The following HEXB variants were observed in gnomAD, a reference collection of about 807,000 sequenced individuals.
HEXB encodes hexosaminidase subunit beta.
HEXB carries 51 observed loss-of-function variants against 71.2 expected under a neutral mutation model. The observed-to-expected ratio is 0.72, with a 90% confidence interval of 0.57 to 0.90. HEXB has a LOEUF of 0.90. Ranked by LOEUF, HEXB falls within the 40% of genes least tolerant of loss-of-function variation. HEXB has a pLI of 0.00. For missense variants in HEXB, 617 were observed against 677.0 expected (o/e 0.91, Z 0.98); for synonymous variants, 266 against 249.3 (o/e 1.07, Z -0.63).
At chr5:74,682,501 GAACT>G (rs1561212398), upstream of HEXB, among the ~76,000 whole-genome samples, 3 of 152,208 alleles carry the variant, frequency 2.0e-5, no homozygotes, top group Non-Finnish European at 4.4e-5. Context: ...TGAACCACAA[GAACT>G]GTGAGATATT....
chr5:74,685,418 G>A lies in HEXB; in HGVS notation c.158G>A (p.Gly53Glu), dbSNP rs992458272. 6.2e-7 allele frequency: 1 copy of A among 1,601,150 alleles called. No individual in the cohort carries two copies. The highest frequency in any genetic ancestry group is 8.5e-7 in the Non-Finnish European group (1 of 1,175,478). Residue 53 changes from glycine (G) to glutamate (E), a missense_variant, in exon 1 of 14, where the codon GGG becomes GAG. By Grantham distance (98) the Gly-to-Glu change is moderately conservative. Transcript: ENST00000261416. Reference sequence around the variant, plus strand: ...GCCCCGAGCGTCTCGGCCAAGCCGGGGCCGGCGCTGTGGCCCCTGCCGCTC... The same window carrying A: ...GCCCCGAGCGTCTCGGCCAAGCCGGAGCCGGCGCTGTGGCCCCTGCCGCTC... ...ARAPSVSAKP[G>E]PALWPLPLLV...
chr5:74,695,180 G>A (rs115630591), intron 3 of HEXB, among the ~76,000 whole-genome samples: 3,138 of 148,394 alleles, frequency 0.021, 115 homozygotes, highest in African/African-American at 0.074. Context: ...TCTCATCTGC[G>A]TCTGCTAAGG....
intron 1 of HEXB, among the ~76,000 whole-genome samples, chr5:74,658,894 G>T (rs926955408): frequency 1.3e-5 from 2 of 152,134 alleles, no homozygotes; most frequent in African/African-American, 4.8e-5. Flanking sequence ...TAAACTTGCA[G>T]TTGGTGTCAG....
intron 6 of HEXB, among the ~76,000 whole-genome samples, chr5:74,712,230 A>G (rs1749560494): frequency 6.8e-6 from 1 of 147,124 alleles, no homozygotes; most frequent in African/African-American, 2.5e-5. Flanking sequence ...GAATTGAACA[A>G]TGAGAACACA....
At chr5:74,685,209 C>T, upstream of HEXB, 6 of 1,452,678 alleles carry the variant, frequency 4.1e-6, no homozygotes, top group South Asian at 1.4e-5. Context: ...GGCGGGAAGT[C>T]GGGTCCCGAG....
intron 1 of HEXB, among the ~76,000 whole-genome samples, chr5:74,642,969 A>G (rs1400179606): frequency 6.6e-6 from 1 of 152,250 alleles, no homozygotes; most frequent in Non-Finnish European, 1.5e-5. Flanking sequence ...AAATGCATTC[A>G]GTGACCGTAT....
intron 6 of HEXB, among the ~76,000 whole-genome samples, chr5:74,709,087 A>G (rs1749476312): frequency 6.6e-6 from 1 of 152,178 alleles, no homozygotes; most frequent in Non-Finnish European, 1.5e-5. Context: ...ATTATAACAA[A>G]CTATCTCTCA....
Position 74,677,487 on chromosome 5 carries a change from CTTCTTTT to C in HEXB, c.-376-11838_-376-11832del, listed in dbSNP as rs200755326. ...AACAGTTTGCATTTCTTTTCTTCTTCTTCTTTTTTTTTTTTTTTTTTTTTTTGGTACT... is the reference window on the plus strand; with the variant it reads ...AACAGTTTGCATTTCTTTTCTTCTTCTTTTTTTTTTTTTTTTTTTGGTACT... On this transcript the variant is annotated intron_variant, in intron 1 of 13. Transcript: ENST00000511181. Among the ~76,000 whole-genome samples the C allele has an allele frequency of 4.7e-3, 616 of 129,824 alleles. 1 individual carries two copies. Among genetic ancestry groups the C allele is most frequent in the African/African-American group, 0.015 (534 of 34,526 alleles). The allele number at this position is 129,824 out of a possible 152,430, so 85.2% of individuals were successfully genotyped here. A position where few individuals can be genotyped will look rare whatever the true frequency, so the allele number is the denominator to read the frequency against.
intron 1 of HEXB, among the ~76,000 whole-genome samples, chr5:74,663,106 C>A (rs1463017371): frequency 6.6e-6 from 1 of 152,100 alleles, no homozygotes; most frequent in Non-Finnish European, 1.5e-5. Flanking sequence ...AACGAAGACC[C>A]AAGAACGCAT....
At chr5:74,712,827 T>C (rs1219189915) in intron 6 of HEXB, among the ~76,000 whole-genome samples, 1 of 152,182 alleles carries the variant, frequency 6.6e-6, no homozygotes, top group African/African-American at 2.4e-5. Flanking sequence ...GGCCATAGTT[T>C]GAGAAATGTG....
chr5:74,675,957 G>C (rs1054478625), intron 1 of HEXB, among the ~76,000 whole-genome samples: 1 of 152,170 alleles, frequency 6.6e-6, no homozygotes, highest in African/African-American at 2.4e-5. Context: ...TGCCTAACAG[G>C]AAATGTGAAA....
chr5:74,720,847 T>TCTAACAAA, intron 13 of HEXB, 100 bp downstream of exon 13: 3 of 976,186 alleles, frequency 3.1e-6, no homozygotes, highest in Non-Finnish European at 3.2e-6. Flanking sequence ...CAAATAGTAA[T>TCTAACAAA]TAGAAGAAAC....
Position 74,718,366 on chromosome 5 carries a change from G to T in HEXB, c.1242+3G>T, listed in dbSNP as rs778226392. On this transcript the variant is annotated splice_donor_region_variant and intron_variant, in intron 10 of 13. Coordinates refer to ENST00000261416, the MANE Select transcript of HEXB (RefSeq NM_000521.4). The stretch of plus-strand genomic sequence containing the variant: ...AGGTTTTTGATGATAAAGCAAAGGT[G>T]AGCATTGTGAAGACTGCATCTGATC... 3 of 1,598,226 alleles carry T rather than the reference G, an allele frequency of 1.9e-6. No homozygotes were observed. Among genetic ancestry groups the T allele is most frequent in the Non-Finnish European group, 8.6e-7 (1 of 1,165,548 alleles).
At chr5:74,656,055 AT>A (rs1465119134) in intron 1 of HEXB, among the ~76,000 whole-genome samples, 1 of 152,212 alleles carries the variant, frequency 6.6e-6, no homozygotes, top group Non-Finnish European at 1.5e-5. Context: ...GTAAACAAAA[AT>A]GAATCCTGAA....
chr5:74,705,478 C>T lies in HEXB; in HGVS notation c.771+158C>T. ...TTGGCTGTGACTTAGCATTTTACAT[C>T]CATAAAACTTTTTTTGTTATTGTTA... On this transcript the variant is annotated intron_variant, in intron 6 of 13. Coordinates refer to ENST00000261416, the MANE Select transcript of HEXB (RefSeq NM_000521.4). 3 of 626,922 alleles carry T rather than the reference C, an allele frequency of 4.8e-6. No individual in the cohort carries two copies. The South Asian group carries it at 5.5e-5, about 11-fold the overall frequency. 38.8% of individuals were successfully genotyped at this position (626,922 alleles called of 1,614,324 possible).
intron 1 of HEXB, among the ~76,000 whole-genome samples, chr5:74,663,747 A>G (rs1477461956): frequency 2.0e-5 from 3 of 152,374 alleles, no homozygotes; most frequent in Non-Finnish European, 4.4e-5. Context: ...TTAGTGAATT[A>G]TCCGTGAAAA....
At chr5:74,715,797 ACC>A in intron 8 of HEXB, 107 bp downstream of exon 8, 6 of 785,970 alleles carry the variant, frequency 7.6e-6, no homozygotes, top group Non-Finnish European at 1.1e-5. Context: ...CAGGCAGATC[ACC>A]TGAGGTCAGG....
intron 1 of HEXB, among the ~76,000 whole-genome samples, chr5:74,671,347 A>T (rs1004440209): frequency 6.6e-6 from 1 of 152,190 alleles, no homozygotes; most frequent in Admixed American, 6.5e-5. Context: ...AATAACAGGA[A>T]TAAACTGTGG....
intron 8 of HEXB, 37 bp downstream of exon 8, chr5:74,715,727 AAAAG>A (rs1749655794): frequency 1.4e-6 from 2 of 1,462,478 alleles, no homozygotes; most frequent in Non-Finnish European, 9.6e-7. Flanking sequence ...AAAAAAAAAA[AAAAG>A]AGAGGCTGGG....
Sources: allele counts gnomAD v4.1 joint callset (sites outside exome capture counted in the v4.1 genomes callset), GRCh38; gene constraint gnomAD v4.1.1; transcripts MANE v1.5; gene names NCBI Gene and HGNC (gene_info 2026-07-23, HGNC 2026-07-21).